The following CATSPERD variants were observed in gnomAD, a reference collection of about 807,000 sequenced individuals.
CATSPERD encodes cation channel sperm-associated auxiliary subunit delta.
CATSPERD carries 86 observed loss-of-function variants against 98.1 expected under a neutral mutation model. The ratio of observed to expected loss-of-function variants is 0.88; its 90% CI spans 0.74 to 1.05. The LOEUF is 1.05. CATSPERD is among the 50% of genes least tolerant of loss of function. The probability of loss-of-function intolerance (pLI) is 0.00; values close to 1 mark genes in which losing one functional copy is unlikely to be tolerated. For missense variants in CATSPERD, 995 were observed against 1,005.7 expected (o/e 0.99, Z 0.14); for synonymous variants, 394 against 390.2 (o/e 1.01, Z -0.12).
intron 2 of CATSPERD, among the ~76,000 whole-genome samples, chr19:5,725,703 C>T (rs1379924977): frequency 1.3e-5 from 2 of 151,906 alleles, no homozygotes; most frequent in Non-Finnish European, 2.9e-5. Context: ...GAGTTCAAGA[C>T]CAGCCTGGCC....
intron 4 of CATSPERD, 75 bp downstream of exon 4, chr19:5,730,019 C>G (rs1009702942): frequency 9.1e-6 from 8 of 882,720 alleles, no homozygotes; most frequent in Admixed American, 7.0e-5. Context: ...TCAGAAATAT[C>G]AGACTGGTCT....
intron 19 of CATSPERD, 131 bp downstream of exon 19, chr19:5,771,203 C>G (rs73920058): frequency 2.8e-6 from 3 of 1,056,860 alleles, no homozygotes; most frequent in African/African-American, 3.2e-5. Flanking sequence ...TGTTTCCCAC[C>G]GTGCTCCTGC....
chr19:5,762,050 A>ATG (rs2056446349), intron 15 of CATSPERD, among the ~76,000 whole-genome samples: 6 of 20,034 alleles, frequency 3.0e-4, no homozygotes, highest in African/African-American at 8.7e-4. Context: ...CCATATATAT[A>ATG]TATATATATT....
intron 12 of CATSPERD, among the ~76,000 whole-genome samples, chr19:5,752,888 C>T (rs558668743): frequency 6.6e-6 from 1 of 151,964 alleles, no homozygotes; most frequent in Non-Finnish European, 1.5e-5. Context: ...ATTAGATGGG[C>T]GTGCTGGCAC....
chr19:5,742,744 G>C (rs952778587), intron 7 of CATSPERD, among the ~76,000 whole-genome samples: 1 of 152,094 alleles, frequency 6.6e-6, no homozygotes, highest in African/African-American at 2.4e-5. Flanking sequence ...GGGTGTGATC[G>C]TGCCACTGCA....
At chr19:5,756,862 G>C (rs948500511) in intron 13 of CATSPERD, among the ~76,000 whole-genome samples, 1 of 151,994 alleles carries the variant, frequency 6.6e-6, no homozygotes, top group Non-Finnish European at 1.5e-5. Flanking sequence ...AGAATCGCTT[G>C]AACCCAGGAG....
At chr19:5,720,887 G>A in intron 1 of CATSPERD, 79 bp downstream of exon 1, 3 of 1,213,546 alleles carry the variant, frequency 2.5e-6, no homozygotes, top group Non-Finnish European at 3.5e-6. Context: ...GCCGAGGCCT[G>A]CTCCCCAACC....
chr19:5,740,206 G>A (rs1171490688), intron 7 of CATSPERD, among the ~76,000 whole-genome samples: 9 of 148,092 alleles, frequency 6.1e-5, no homozygotes, highest in Non-Finnish European at 1.0e-4. Flanking sequence ...GCTTGAACCC[G>A]GGAGGCAGAG....
intron 13 of CATSPERD, among the ~76,000 whole-genome samples, chr19:5,757,415 G>C (rs933540045): frequency 6.7e-6 from 1 of 149,512 alleles, no homozygotes; most frequent in Non-Finnish European, 1.5e-5. Flanking sequence ...CTCTTGCCTC[G>C]GGCTCCCGAG....
chr19:5,748,728 C>CTTT (rs527796326), intron 10 of CATSPERD, among the ~76,000 whole-genome samples: 1,017 of 94,084 alleles, frequency 0.011, 44 homozygotes, highest in Middle Eastern at 0.024. Flanking sequence ...TCATATTATT[C>CTTT]TTTTTTTTTT....
intron 2 of CATSPERD, among the ~76,000 whole-genome samples, chr19:5,726,915 C>T (rs748171807): frequency 2.0e-5 from 3 of 152,042 alleles, no homozygotes; most frequent in South Asian, 2.1e-4. Context: ...TATTTCTGGC[C>T]GGACGTGGTG....
chr19:5,749,948 C>T (rs575314638), intron 11 of CATSPERD, among the ~76,000 whole-genome samples: 54 of 151,038 alleles, frequency 3.6e-4, no homozygotes, highest in South Asian at 1.7e-3. Context: ...GGATTACAGG[C>T]GCATGCCACC....
intron 1 of CATSPERD, among the ~76,000 whole-genome samples, chr19:5,721,953 C>T (rs1464631375): frequency 6.7e-6 from 1 of 149,902 alleles, no homozygotes; most frequent in African/African-American, 2.5e-5. Context: ...CGCACTCCAG[C>T]CTGGGTGACA....
At chr19:5,740,024 G>A (rs2055926232) in intron 7 of CATSPERD, among the ~76,000 whole-genome samples, 2 of 152,090 alleles carry the variant, frequency 1.3e-5, no homozygotes, top group Admixed American at 1.3e-4. Context: ...CCTCACGCAT[G>A]TAATCTGAGC....
Position 5,754,158 on chromosome 19 carries a change from A to T in CATSPERD, c.1191A>T (p.Ile397=). ...CKIEFLTGEF[I]YRMYTIDMHS... Reference sequence around the variant, plus strand: ...TAGAGTTTCTGACAGGAGAATTTATATACAGGATGTATACCATTGACATGC... The same window carrying T: ...TAGAGTTTCTGACAGGAGAATTTATTTACAGGATGTATACCATTGACATGC... Residue 397 remains isoleucine, a synonymous_variant, in exon 13 of 22, where the codon ATA becomes ATT. Transcript: ENST00000381624. 1 of 1,612,970 alleles carries T rather than the reference A, an allele frequency of 6.2e-7. No homozygotes were observed. The highest frequency in any genetic ancestry group is 1.1e-5 in the South Asian group (1 of 91,048).
intron 6 of CATSPERD, 137 bp downstream of exon 6, chr19:5,737,342 C>G (rs2055868431): frequency 3.5e-6 from 2 of 572,024 alleles, no homozygotes; most frequent in Non-Finnish European, 6.2e-6. Context: ...AAGAGGATTG[C>G]TGAAGCCCAG....
At chr19:5,724,699 C>G in intron 1 of CATSPERD, 109 bp from the exon 2 acceptor site, 1 of 1,127,512 alleles carries the variant, frequency 8.9e-7, no homozygotes, top group Non-Finnish European at 1.3e-6. Context: ...ACTCCGTCCC[C>G]CCCAAAAAAG....
intron 7 of CATSPERD, among the ~76,000 whole-genome samples, chr19:5,741,904 G>A (rs1369630088): frequency 6.7e-6 from 1 of 150,314 alleles, no homozygotes; most frequent in Non-Finnish European, 1.5e-5. Context: ...GGCGGCTGGC[G>A]TGCCTGTAAT....
chr19:5,762,961 G>GTGGA (rs1235586654), intron 15 of CATSPERD, among the ~76,000 whole-genome samples: 6 of 147,676 alleles, frequency 4.1e-5, no homozygotes, highest in African/African-American at 1.5e-4. Flanking sequence ...AGATGGATGA[G>GTGGA]TGGATGGATG....
Sources: gnomAD v4.1 joint callset for allele counts (sites outside exome capture counted in the v4.1 genomes callset) on GRCh38, gnomAD v4.1.1 for gene constraint, MANE v1.5 for transcripts, NCBI Gene and HGNC (gene_info 2026-07-23, HGNC 2026-07-21) for gene names.